GTF2E2: variants seen among roughly 807,000 people sequenced by gnomAD.
GTF2E2 encodes transcription initiation factor IIE subunit beta.
A neutral mutation model predicts 40.5 loss-of-function variants in GTF2E2; 21 were observed. That is an observed-to-expected ratio of 0.52 (90% CI 0.37 to 0.75). The LOEUF (loss-of-function observed/expected upper bound fraction) is 0.75. Among genes scored for constraint, GTF2E2 ranks in the 30% least tolerant of loss-of-function variants. The pLI, the probability that GTF2E2 is intolerant of heterozygous loss-of-function variation, is 0.00. For synonymous variants in GTF2E2, 117 were observed against 121.6 expected (o/e 0.96, Z 0.25); for missense variants, 298 against 338.4 (o/e 0.88, Z 0.94).
intron 3 of GTF2E2, among the ~76,000 whole-genome samples, chr8:30,623,405 A>G (rs1347382847): frequency 6.6e-6 from 1 of 152,068 alleles, no homozygotes; most frequent in Non-Finnish European, 1.5e-5. Flanking sequence ...ATAGTATTCC[A>G]TGGTGTATAT....
chr8:30,644,848 T>C (rs568764474), intron 2 of GTF2E2, among the ~76,000 whole-genome samples: 1 of 151,742 alleles, frequency 6.6e-6, no homozygotes, highest in East Asian at 1.9e-4. Context: ...CCTCCCTGGC[T>C]CAAGCAATCT....
chr8:30,603,324 T>C (rs1447875674), intron 6 of GTF2E2, among the ~76,000 whole-genome samples: 1 of 151,954 alleles, frequency 6.6e-6, no homozygotes, highest in Non-Finnish European at 1.5e-5. Flanking sequence ...CAACATATAA[T>C]AAAGACGGTA....
chr8:30,636,606 A>G (rs1801607165), intron 2 of GTF2E2, among the ~76,000 whole-genome samples: 1 of 152,208 alleles, frequency 6.6e-6, no homozygotes, highest in South Asian at 2.1e-4. Context: ...TAACAATAAC[A>G]TTAAGAATGC....
At chr8:30,588,366 T>TAC (rs928135921) in intron 6 of GTF2E2, among the ~76,000 whole-genome samples, 2 of 152,132 alleles carry the variant, frequency 1.3e-5, no homozygotes, top group African/African-American at 2.4e-5. Context: ...ATAATATATA[T>TAC]ACACACAATG....
rs903689229 is a variant in GTF2E2 at position 30,653,336 on chromosome 8, A to G, written c.166+97T>C. ...TATATTCAACAAAGTGCCTATCAACATGAGTGCTGAACTGAAAAATGAACT... is the reference window on the plus strand; with the variant it reads ...TATATTCAACAAAGTGCCTATCAACGTGAGTGCTGAACTGAAAAATGAACT... On this transcript the variant is annotated intron_variant, in intron 2 of 7. Transcript: ENST00000355904. The G allele has an allele frequency of 7.1e-6, 6 of 841,784 alleles. No individual in the cohort carries two copies. The African/African-American group carries it at 8.5e-5, about 12-fold the overall frequency. 52.1% of individuals were successfully genotyped at this position (841,784 alleles called of 1,614,324 possible). A position where few individuals can be genotyped will look rare whatever the true frequency, so the allele number is the denominator to read the frequency against.
chr8:30,644,446 A>T (rs1801985701), intron 2 of GTF2E2: 1 of 152,208 alleles, frequency 6.6e-6, no homozygotes, highest in South Asian at 2.1e-4. Flanking sequence ...CCTCATTCTG[A>T]AAATTGGCAT....
intron 2 of GTF2E2, among the ~76,000 whole-genome samples, chr8:30,644,004 G>A (rs1351082382): frequency 2.0e-5 from 3 of 152,142 alleles, no homozygotes; most frequent in Non-Finnish European, 2.9e-5. Flanking sequence ...AATGACAACC[G>A]ATAAATTAAT....
intron 3 of GTF2E2, among the ~76,000 whole-genome samples, chr8:30,632,221 A>T (rs1457058349): frequency 6.6e-6 from 1 of 152,256 alleles, no homozygotes; most frequent in Non-Finnish European, 1.5e-5. Flanking sequence ...AGAAATGTTT[A>T]AATTATTACA....
At chr8:30,611,756 G>C (rs963433390) in intron 5 of GTF2E2, among the ~76,000 whole-genome samples, 2 of 152,186 alleles carry the variant, frequency 1.3e-5, no homozygotes, top group African/African-American at 2.4e-5. Context: ...GCAGCAAAAT[G>C]AATGAACCTG....
chr8:30,656,364 G>A (rs1461438443), intron 1 of GTF2E2, among the ~76,000 whole-genome samples: 1 of 152,220 alleles, frequency 6.6e-6, no homozygotes, highest in Non-Finnish European at 1.5e-5. Flanking sequence ...GCCTTGGGAG[G>A]AGGGAAAGCG....
chr8:30,595,147 A>G (rs1045482697), intron 6 of GTF2E2, among the ~76,000 whole-genome samples: 14 of 152,190 alleles, frequency 9.2e-5, no homozygotes, highest in Non-Finnish European at 1.6e-4. Flanking sequence ...TACAACATAC[A>G]TATTTAATTA....
chr8:30,627,152 T>A (rs188834169), intron 3 of GTF2E2, among the ~76,000 whole-genome samples: 4 of 152,266 alleles, frequency 2.6e-5, no homozygotes, highest in African/African-American at 9.6e-5. Flanking sequence ...AGTTGACAAA[T>A]TGATGACATG....
At chr8:30,581,962 T>C (rs964091666) in intron 6 of GTF2E2, among the ~76,000 whole-genome samples, 1 of 152,210 alleles carries the variant, frequency 6.6e-6, no homozygotes, top group Non-Finnish European at 1.5e-5. Context: ...ATGTATGAAA[T>C]ACCATCATTG....
chr8:30,632,656 C>G (rs778401629), intron 3 of GTF2E2, among the ~76,000 whole-genome samples: 3 of 152,072 alleles, frequency 2.0e-5, no homozygotes, highest in Non-Finnish European at 4.4e-5. Flanking sequence ...GGGAGGGGAA[C>G]TGATATAAGA....
At chr8:30,608,945 T>G (rs1829401558) in intron 5 of GTF2E2, among the ~76,000 whole-genome samples, 1 of 152,102 alleles carries the variant, frequency 6.6e-6, no homozygotes, top group Non-Finnish European at 1.5e-5. Flanking sequence ...GAGACAGCGT[T>G]TCACCATGTT....
intron 6 of GTF2E2, among the ~76,000 whole-genome samples, chr8:30,581,950 G>A (rs541838494): frequency 8.5e-5 from 13 of 152,248 alleles, no homozygotes; most frequent in Admixed American, 5.9e-4. Context: ...TTTGACTACC[G>A]AATGTATGAA....
chr8:30,593,422 C>T (rs759880410), intron 6 of GTF2E2, among the ~76,000 whole-genome samples: 1 of 152,232 alleles, frequency 6.6e-6, no homozygotes, highest in Non-Finnish European at 1.5e-5. Context: ...ATTTGGAAGG[C>T]CTGTTGTTAG....
intron 3 of GTF2E2, 63 bp downstream of exon 3, chr8:30,634,969 C>T (rs925894071): frequency 1.2e-6 from 1 of 855,292 alleles, no homozygotes; most frequent in Admixed American, 2.2e-5. Context: ...TTCTGAAAAC[C>T]CTAATCTCCT....
intron 2 of GTF2E2, chr8:30,645,963 G>A (rs886661789): frequency 5.9e-6 from 1 of 168,736 alleles, no homozygotes; most frequent in Admixed American, 6.1e-5. Flanking sequence ...AAAATAGTGT[G>A]TTGGTAACAA....
Sources: gnomAD v4.1 joint callset for allele counts (sites outside exome capture counted in the v4.1 genomes callset) on GRCh38, gnomAD v4.1.1 for gene constraint, MANE v1.5 for transcripts, NCBI Gene and HGNC (gene_info 2026-07-23, HGNC 2026-07-21) for gene names.